RAB40C: variants seen among roughly 807,000 people sequenced by gnomAD.
RAB40C encodes RAB40C, member RAS oncogene family.
Under a neutral mutation model 28.1 loss-of-function variants are expected in RAB40C, and 8 were observed. The observed-to-expected ratio is 0.28, with a 90% CI of 0.17 to 0.51. The LOEUF is 0.51. RAB40C is among the 20% of genes least tolerant of loss of function. RAB40C has a pLI of 0.97. For synonymous variants in RAB40C, 201 were observed against 171.7 expected, an observed-to-expected ratio of 1.17 and a Z score of -1.34; for missense variants, 288 against 405.9, an observed-to-expected ratio of 0.71 and a Z score of 2.50.
rs15564 is a variant in RAB40C, at chr16:627,854, G to T, written c.*232G>T. On this transcript the variant is annotated 3_prime_UTR_variant, in exon 6 of 6. Coordinates refer to ENST00000248139, the MANE Select transcript of RAB40C (RefSeq NM_021168.5). ...GCTGGTGCTTCCGGGAATCTTGGTC[G>T]GAAACAAGCCGGGCCTCCCCAGCTG... is the stretch of plus-strand genomic sequence containing the variant. The T allele has an allele frequency of 0.46, 218,134 of 475,746 alleles. 52,356 individuals carry two copies. The highest frequency in any genetic ancestry group is 0.7 in the East Asian group (20,768 of 29,520). The allele number at this position is 475,746 out of a possible 1,614,324, so 29.5% of individuals were successfully genotyped here.
At position 597,146 on chromosome 16, in the gene RAB40C, C is replaced by T. The variant is rs536202206; in HGVS notation, c.142+6713C>T. Among the ~76,000 whole-genome samples, 3 of 152,146 alleles carry T rather than the reference C, an allele frequency of 2.0e-5. No individual in the cohort carries two copies. The South Asian group carries it at 6.2e-4, about 32-fold the overall frequency. On this transcript the variant is annotated intron_variant, in intron 1 of 5. Coordinates refer to ENST00000248139, the MANE Select transcript of RAB40C (RefSeq NM_021168.5). ...AGATGGGATGGGAGGGGCTCAGGAG[C>T]AGCCAGGTTCTAGTGCTGGTGATGA...
chr16:601,855 C>T (rs2036259097), intron 1 of RAB40C, among the ~76,000 whole-genome samples: 1 of 123,980 alleles, frequency 8.1e-6, no homozygotes, highest in Non-Finnish European at 1.7e-5. Context: ...AGGCCGGATG[C>T]GGTGGCTCAC....
chr16:625,598 G>A (rs1304144071), intron 4 of RAB40C, 89 bp downstream of exon 4: 14 of 1,352,136 alleles, frequency 1.0e-5, no homozygotes, highest in Admixed American at 5.5e-5. Flanking sequence ...CCCGCCTGCC[G>A]CCCCTCCTGT....
At chr16:614,529 G>A (rs531144246) in intron 1 of RAB40C, among the ~76,000 whole-genome samples, 6 of 130,586 alleles carry the variant, frequency 4.6e-5, no homozygotes, top group South Asian at 2.7e-4. Context: ...ACCTCGTCCC[G>A]ATGGTGAACT....
At chr16:619,252 T>C (rs1259702124) in intron 3 of RAB40C, among the ~76,000 whole-genome samples, 1 of 150,072 alleles carries the variant, frequency 6.7e-6, no homozygotes, top group South Asian at 2.1e-4. Context: ...ACTGGGGCCA[T>C]GTGTGCAGTG....
chr16:604,913 G>A (rs1001204346), intron 1 of RAB40C, among the ~76,000 whole-genome samples: 2 of 152,150 alleles, frequency 1.3e-5, no homozygotes, highest in African/African-American at 4.8e-5. Context: ...TACAAAGTTA[G>A]CCTGGTGTGG....
Position 627,349 on chromosome 16 carries a change from C to T in RAB40C, c.573C>T (p.Ser191=), listed in dbSNP as rs1391072421. 1 of 1,612,616 alleles carries T rather than the reference C, an allele frequency of 6.2e-7. No individual in the cohort carries two copies. The highest frequency in any genetic ancestry group is 8.5e-7 in the Non-Finnish European group (1 of 1,179,510). ...EKIWRPNRVF[S]LQDLCCRAIV... ...ACCCCCTCTGCCCCACAGTGTTCAG[C>T]CTGCAGGACCTCTGCTGCCGGGCCA... Residue 191 remains serine, a synonymous_variant, in exon 6 of 6, where the codon AGC becomes AGT. Coordinates refer to ENST00000248139, the MANE Select transcript of RAB40C (RefSeq NM_021168.5).
intron 1 of RAB40C, among the ~76,000 whole-genome samples, chr16:606,754 G>A (rs558703778): frequency 6.6e-6 from 1 of 152,346 alleles, no homozygotes; most frequent in Admixed American, 6.5e-5. Flanking sequence ...CAGCACTGGC[G>A]GGTGAAGTCC....
intron 1 of RAB40C, chr16:616,862 C>G: frequency 3.0e-6 from 1 of 335,574 alleles, no homozygotes; most frequent in Non-Finnish European, 5.7e-6. Flanking sequence ...GGCCCTGTGC[C>G]TTGCACCCAG....
rs1027144412 is a variant in RAB40C at position 610,812 on chromosome 16, C to T, written c.143-6396C>T. On this transcript the variant is annotated intron_variant, in intron 1 of 5. Transcript: ENST00000248139. This position sits in a 1 kb window ranked among gnomAD's most constrained non-coding sequence, Gnocchi z 4.6. ...TTGAGACCTTCCAGGCCAAGGGCCC[C>T]CTCCCCAGGATCCTGACACCTGTCC... is the stretch of plus-strand genomic sequence containing the variant. Among the ~76,000 whole-genome samples, 3 of 151,988 alleles carry T rather than the reference C, an allele frequency of 2.0e-5. No individual in the cohort carries two copies. The highest frequency in any genetic ancestry group is 4.4e-5 in the Non-Finnish European group (3 of 67,990).
At chr16:604,770 T>C (rs1262437155) in intron 1 of RAB40C, among the ~76,000 whole-genome samples, 2 of 152,134 alleles carry the variant, frequency 1.3e-5, no homozygotes, top group African/African-American at 4.8e-5. Flanking sequence ...ATTGAAAAAT[T>C]AGCCTGGGGC....
intron 3 of RAB40C, among the ~76,000 whole-genome samples, chr16:623,577 C>A (rs12446884): frequency 0.12 from 18,631 of 151,376 alleles, 1,632 homozygotes; most frequent in South Asian, 0.24. Context: ...TGGCGTGAAC[C>A]CGGAAGCGGA....
intron 1 of RAB40C, among the ~76,000 whole-genome samples, chr16:602,224 A>G (rs772193319): frequency 1.4e-4 from 22 of 151,870 alleles, no homozygotes; most frequent in Non-Finnish European, 2.4e-4. Context: ...GAAATATATG[A>G]CAACATTAGC....
At chr16:624,739 G>A (rs992152785) in intron 3 of RAB40C, 58 of 985,288 alleles carry the variant, frequency 5.9e-5, no homozygotes, top group Non-Finnish European at 6.6e-5. Context: ...GGGGAGAGGC[G>A]GGCATAGGGG....
chr16:590,233 G>T lies in RAB40C; in HGVS notation c.-59G>T. On this transcript the variant is annotated 5_prime_UTR_variant, in exon 1 of 6. Coordinates refer to ENST00000248139, the MANE Select transcript of RAB40C (RefSeq NM_021168.5). The stretch of plus-strand genomic sequence containing the variant: ...TGCGGGGCGCGGGCTCTCTCACGCC[G>T]CGGCCTCACCCGGCGGTGCTTCGGC... 7.9e-7 allele frequency: 1 copy of T among 1,269,954 alleles called. No homozygotes were observed. Among genetic ancestry groups the T allele is most frequent in the Non-Finnish European group, 1.0e-6 (1 of 997,570 alleles). The allele number at this position is 1,269,954 out of a possible 1,614,324, so 78.7% of individuals were successfully genotyped here. A position where few individuals can be genotyped will look rare whatever the true frequency, so the allele number is the denominator to read the frequency against.
At chr16:609,447 A>G (rs1415942565) in intron 1 of RAB40C, among the ~76,000 whole-genome samples, 2 of 152,144 alleles carry the variant, frequency 1.3e-5, no homozygotes, top group African/African-American at 2.4e-5. Flanking sequence ...TGATGGCAGG[A>G]TAACCGTCAG....
intron 1 of RAB40C, among the ~76,000 whole-genome samples, chr16:614,357 C>T (rs1349529182): frequency 9.2e-6 from 1 of 108,994 alleles, no homozygotes; most frequent in Non-Finnish European, 1.9e-5. Context: ...CGATGGTGAA[C>T]TGCCAAACTT....
chr16:595,603 CTTT>C (rs746491567), intron 1 of RAB40C, among the ~76,000 whole-genome samples: 5 of 138,810 alleles, frequency 3.6e-5, no homozygotes, highest in Admixed American at 7.2e-5. Flanking sequence ...CTTTTTTCTT[CTTT>C]TTTTTTTTTT....
chr16:627,771 G>A lies in RAB40C; in HGVS notation c.*149G>A, dbSNP rs1030280419. On this transcript the variant is annotated 3_prime_UTR_variant, in exon 6 of 6. Coordinates refer to ENST00000248139, the MANE Select transcript of RAB40C (RefSeq NM_021168.5). Reference sequence around the variant, plus strand: ...CTTTCCTCACACCTGAGCCGGGTGCGAGGAGGAGCATGCACGGACCAAGCG... The same window carrying A: ...CTTTCCTCACACCTGAGCCGGGTGCAAGGAGGAGCATGCACGGACCAAGCG... 24 of 1,050,418 alleles carry A rather than the reference G, an allele frequency of 2.3e-5. No individual in the cohort carries two copies. The highest frequency in any genetic ancestry group is 2.0e-4 in the African/African-American group (12 of 61,536). The allele number at this position is 1,050,418 out of a possible 1,614,324, so 65.1% of individuals were successfully genotyped here. A position where few individuals can be genotyped will look rare whatever the true frequency, so the allele number is the denominator to read the frequency against.
Sources: gnomAD v4.1 joint callset for allele counts (sites outside exome capture counted in the v4.1 genomes callset) on GRCh38, gnomAD v4.1.1 for gene constraint, Gnocchi (gnomAD v3.1) non-coding constraint, MANE v1.5 for transcripts, NCBI Gene and HGNC (gene_info 2026-07-23, HGNC 2026-07-21) for gene names.